Variants in NTN1 observed in about 807,000 individuals in gnomAD.
The protein encoded by NTN1 is netrin-1.
NTN1 carries 11 observed loss-of-function variants against 54.2 expected under a neutral mutation model. That is an observed-to-expected ratio of 0.20 (90% confidence interval 0.13 to 0.34). The LOEUF is 0.34. Ranked by LOEUF, NTN1 falls within the 10% of genes least tolerant of loss-of-function variation. The pLI is 1.00. For synonymous variants in NTN1, 371 were observed against 382.0 expected (o/e 0.97, Z 0.33); for missense variants, 740 against 893.1 (o/e 0.83, Z 2.18).
intron 2 of NTN1, among the ~76,000 whole-genome samples, chr17:9,056,108 G>A (rs1353510345): frequency 6.6e-6 from 1 of 152,090 alleles, no homozygotes; most frequent in Non-Finnish European, 1.5e-5. Context: ...CCAGGCTGGA[G>A]TACAACGGCG....
chr17:9,072,722 G>A (rs1481631434), intron 2 of NTN1, among the ~76,000 whole-genome samples: 2 of 152,106 alleles, frequency 1.3e-5, no homozygotes, highest in African/African-American at 4.8e-5. Flanking sequence ...AGAATGAAAA[G>A]CAATATCTCT....
chr17:9,098,417 A>G (rs1010852346), intron 2 of NTN1, among the ~76,000 whole-genome samples: 2 of 152,192 alleles, frequency 1.3e-5, no homozygotes, highest in East Asian at 1.9e-4. Flanking sequence ...CTAAGAGGGG[A>G]CAGGTGAATG....
At chr17:9,227,565 TCACA>T (rs56365655) in intron 6 of NTN1, among the ~76,000 whole-genome samples, 20,750 of 147,182 alleles carry the variant, frequency 0.14, 1,711 homozygotes, top group Non-Finnish European at 0.19. Context: ...ACACACACTA[TCACA>T]CACACACATC....
chr17:9,156,210 C>T (rs1326788153), intron 2 of NTN1, among the ~76,000 whole-genome samples: 1 of 151,612 alleles, frequency 6.6e-6, no homozygotes, highest in East Asian at 1.9e-4. Flanking sequence ...CTGGGGCCTG[C>T]AGCCTGCGAT....
the NTN1 span, among the ~76,000 whole-genome samples, chr17:9,004,420 CT>C: frequency 1.3e-5 from 2 of 152,390 alleles, no homozygotes; most frequent in Non-Finnish European, 2.9e-5. Context: ...CTCGCCACCC[CT>C]GTTGGGACCC....
chr17:9,122,468 T>G lies in NTN1; in HGVS notation c.1019-40345T>G, dbSNP rs942150210. ...GGGCAATGTCTTTATTTCCCAGTGC[T>G]CCTCTTAACCAGATTAAAGGGGTGC... On this transcript the variant is annotated intron_variant, in intron 2 of 6. Coordinates refer to ENST00000173229, the MANE Select transcript of NTN1 (RefSeq NM_004822.3). Among the ~76,000 whole-genome samples the G allele has an allele frequency of 3.9e-5, 6 of 152,104 alleles. No homozygotes were observed. The East Asian group carries it at 1.2e-3, about 29-fold the overall frequency.
chr17:9,111,622 G>A lies in NTN1; in HGVS notation c.1019-51191G>A, dbSNP rs191880683. 3.3e-3 allele frequency among the ~76,000 whole-genome samples: 507 copies of A among 152,216 alleles called. 3 individuals are homozygous for A. Among genetic ancestry groups the A allele is most frequent in the Middle Eastern group, 0.01 (3 of 294 alleles). The stretch of plus-strand genomic sequence containing the variant: ...TGGATATTTTTGACTCCCCCAAAAC[G>A]TAACTACTAATAGCCTGTTGACAGG... On this transcript the variant is annotated intron_variant, in intron 2 of 6. Transcript: ENST00000173229.
At chr17:9,160,179 T>C (rs1235814162) in intron 2 of NTN1, among the ~76,000 whole-genome samples, 1 of 152,118 alleles carries the variant, frequency 6.6e-6, no homozygotes, top group Non-Finnish European at 1.5e-5. Context: ...TGGTGGCTCA[T>C]GGCAACCTCC....
At chr17:9,230,554 A>G (rs1905773389) in intron 6 of NTN1, among the ~76,000 whole-genome samples, 1 of 151,674 alleles carries the variant, frequency 6.6e-6, no homozygotes, top group African/African-American at 2.4e-5. Flanking sequence ...TTGGCCAGGG[A>G]AGGCCAGTCG....
At position 9,023,332 on chromosome 17, in the gene NTN1, C is replaced by A; in HGVS notation, c.959C>A (p.Pro320His). The change falls in exon 2 of 7, where the codon CCC becomes CAC. Residue 320 changes from proline to histidine, a missense_variant. Physicochemically the swap from Pro to His is moderately conservative, Grantham distance 77. Transcript: ENST00000173229. ...TAGPECDRCK[P>H]FHYDRPWQRA... ...GGCCCGGAGTGCGACCGCTGCAAGC[C>A]CTTCCACTACGACCGGCCCTGGCAG... 1 of 1,522,576 alleles carries A rather than the reference C, an allele frequency of 6.6e-7. No individual in the cohort carries two copies. The highest frequency in any genetic ancestry group is 8.8e-7 in the Non-Finnish European group (1 of 1,134,766). The allele number at this position is 1,522,576 out of a possible 1,614,324, so 94.3% of individuals were successfully genotyped here. A position where few individuals can be genotyped will look rare whatever the true frequency, so the allele number is the denominator to read the frequency against.
chr17:9,040,463 T>A (rs1429008982), intron 2 of NTN1, among the ~76,000 whole-genome samples: 1 of 152,228 alleles, frequency 6.6e-6, no homozygotes, highest in Non-Finnish European at 1.5e-5. Flanking sequence ...TTTATGTATT[T>A]TGCAACCTTC....
Position 9,221,302 on chromosome 17 carries a change from C to G in NTN1, c.1486+60C>G, listed in dbSNP as rs1905346118. 2 of 1,351,492 alleles carry G rather than the reference C, an allele frequency of 1.5e-6. No homozygotes were observed. The highest frequency in any genetic ancestry group is 1.4e-5 in the African/African-American group (1 of 69,490). The allele number at this position is 1,351,492 out of a possible 1,614,324, so 83.7% of individuals were successfully genotyped here. A position where few individuals can be genotyped will look rare whatever the true frequency, so the allele number is the denominator to read the frequency against. On this transcript the variant is annotated intron_variant, in intron 6 of 6. Transcript: ENST00000173229. The surrounding 1 kb of genome is among the most constrained non-coding windows in gnomAD (Gnocchi z 4.5). Reference sequence around the variant, plus strand: ...AGGGGGCCACGTGACCAGCGAGGTGCTGGGGCTGGGGTGCAGCTGGCCCCC... The same window carrying G: ...AGGGGGCCACGTGACCAGCGAGGTGGTGGGGCTGGGGTGCAGCTGGCCCCC...
chr17:9,223,445 G>A (rs922466759), intron 6 of NTN1, among the ~76,000 whole-genome samples: 2 of 152,096 alleles, frequency 1.3e-5, no homozygotes, highest in Admixed American at 1.3e-4. Context: ...TCAGCTACTC[G>A]GGAGGCTGAG....
At chr17:9,198,874 C>T (rs578147247) in intron 5 of NTN1, among the ~76,000 whole-genome samples, 3 of 152,246 alleles carry the variant, frequency 2.0e-5, no homozygotes, top group East Asian at 3.9e-4. Flanking sequence ...AAGGACTAAC[C>T]GCTTTCACCT....
At chr17:9,140,593 A>G (rs942057823) in intron 2 of NTN1, among the ~76,000 whole-genome samples, 6 of 152,160 alleles carry the variant, frequency 3.9e-5, no homozygotes, top group Non-Finnish European at 8.8e-5. Context: ...GGCCAGAGGT[A>G]AAGGCAGGGC....
rs2091954263 is a variant in NTN1 at position 9,049,899 on chromosome 17, T to A, written c.1018+26508T>A. On this transcript the variant is annotated intron_variant, in intron 2 of 6. Coordinates refer to ENST00000173229, the MANE Select transcript of NTN1 (RefSeq NM_004822.3). ...AACTGAATGAAGAGTTCACAGAAAT[T>A]TGTTGTACCATTCTGCAACTTTTTA... is the stretch of plus-strand genomic sequence containing the variant. 2.0e-5 allele frequency among the ~76,000 whole-genome samples: 3 copies of A among 152,224 alleles called. No individual in the cohort carries two copies. In the South Asian group the frequency reaches 6.2e-4, roughly 32 times the overall value.
chr17:9,108,850 T>C (rs570585684), intron 2 of NTN1, among the ~76,000 whole-genome samples: 1 of 152,286 alleles, frequency 6.6e-6, no homozygotes, highest in African/African-American at 2.4e-5. Context: ...TTCTCTTCAA[T>C]GTTTTTCTTT....
intron 2 of NTN1, among the ~76,000 whole-genome samples, chr17:9,037,120 T>A (rs563127282): frequency 6.6e-6 from 1 of 152,296 alleles, no homozygotes; most frequent in Non-Finnish European, 1.5e-5. Context: ...AGAAGGCTCC[T>A]CCCAACCCCC....
At chr17:9,033,931 A>AG (rs1328085971) in intron 2 of NTN1, among the ~76,000 whole-genome samples, 2 of 150,994 alleles carry the variant, frequency 1.3e-5, no homozygotes, top group African/African-American at 4.9e-5. Context: ...AAAAAAAAAA[A>AG]AAAGAAAAAG....
Sources: allele counts gnomAD v4.1 joint callset (sites outside exome capture counted in the v4.1 genomes callset), GRCh38; gene constraint gnomAD v4.1.1; non-coding constraint Gnocchi (gnomAD v3.1); transcripts MANE v1.5; gene names NCBI Gene and HGNC (gene_info 2026-07-23, HGNC 2026-07-21).